Variants in ASZ1 observed in about 807,000 individuals in gnomAD.
ASZ1 encodes ankyrin repeat, SAM and basic leucine zipper domain containing 1.
Under a neutral mutation model 61.8 loss-of-function variants are expected in ASZ1, and 67 were observed. That is an observed-to-expected ratio of 1.08 (90% CI 0.89 to 1.33). The LOEUF is 1.33. Among genes scored for constraint, ASZ1 ranks in the 40% most tolerant of loss-of-function variants. The pLI, the probability that ASZ1 is intolerant of heterozygous loss-of-function variation, is 0.00. For missense variants in ASZ1, 577 were observed against 554.5 expected (o/e 1.04, Z -0.41); for synonymous variants, 193 against 192.7 (o/e 1.00, Z -0.01).
At chr7:117,424,348 A>G (rs540257329) in intron 2 of ASZ1, among the ~76,000 whole-genome samples, 34 of 152,298 alleles carry the variant, frequency 2.2e-4, no homozygotes, top group African/African-American at 6.7e-4. Flanking sequence ...AATTAACAAT[A>G]TTTTTAAAAA....
chr7:117,412,790 A>T (rs1796920884), intron 4 of ASZ1, among the ~76,000 whole-genome samples: 1 of 151,256 alleles, frequency 6.6e-6, no homozygotes, highest in African/African-American at 2.4e-5. Flanking sequence ...CTTTTTTTTT[A>T]AATATAAGAA....
rs767070581 is a variant in ASZ1 at position 117,427,420 on chromosome 7, C to G, written c.41G>C (p.Gly14Ala). 33 of 1,613,994 alleles carry G rather than the reference C, an allele frequency of 2.0e-5. No individual in the cohort carries two copies. The highest frequency in any genetic ancestry group is 2.5e-5 in the Non-Finnish European group (29 of 1,180,028). Residue 14 changes from glycine (G) to alanine (A), a missense_variant, in exon 1 of 13, where the codon GGA becomes GCA. Coordinates refer to ENST00000284629, the MANE Select transcript of ASZ1 (RefSeq NM_130768.3). ...SALRGLPVAG[G>A]GESSESEDDG... is the part of the protein sequence containing the mutation. Reference sequence around the variant, plus strand: ...ATCCTCGCTCTCGCTACTCTCGCCTCCGCCAGCCACTGGCAGGCCTCGCAG... The same window carrying G: ...ATCCTCGCTCTCGCTACTCTCGCCTGCGCCAGCCACTGGCAGGCCTCGCAG...
At position 117,401,980 on chromosome 7, in the gene ASZ1, G is replaced by GC. The variant is rs1796690309; in HGVS notation, c.441-16172_441-16171insG. Among the ~76,000 whole-genome samples the GC allele has an allele frequency of 2.0e-5, 3 of 151,910 alleles. No homozygotes were observed. In the South Asian group the frequency reaches 6.2e-4, roughly 32 times the overall value. On this transcript the variant is annotated intron_variant, in intron 4 of 12. Transcript: ENST00000284629. ...TGAATGGCCCTCATATTTTTATCAT[G>GC]TTTTTTTTGAGTGATTTTTGGGGGC...
intron 4 of ASZ1, among the ~76,000 whole-genome samples, chr7:117,399,637 T>C (rs2116498679): frequency 6.6e-6 from 1 of 151,574 alleles, no homozygotes; most frequent in East Asian, 2.0e-4. Flanking sequence ...ATGTAAAGTG[T>C]CCAGAACAGG....
At chr7:117,409,309 T>C (rs915232357) in intron 4 of ASZ1, among the ~76,000 whole-genome samples, 5 of 151,856 alleles carry the variant, frequency 3.3e-5, no homozygotes, top group Non-Finnish European at 7.4e-5. Context: ...TAAGAACAGG[T>C]AAAACAAGGA....
Position 117,385,602 on chromosome 7 carries a change from C to T in ASZ1, c.552+96G>A, listed in dbSNP as rs1796338380. On this transcript the variant is annotated intron_variant, in intron 5 of 12. Transcript: ENST00000284629. ...TTTTTCACCAGATAGCAATTATATT[C>T]CAGCCCTTTTGTAATTATTACTTCT... 71 of 1,003,480 alleles carry T rather than the reference C, an allele frequency of 7.1e-5. 1 individual carries two copies. The South Asian group carries it at 1.1e-3, about 15-fold the overall frequency. The allele number at this position is 1,003,480 out of a possible 1,614,324, so 62.2% of individuals were successfully genotyped here.
In ASZ1 at chr7:117,422,572, C is replaced by T. The variant is rs559392353; in HGVS notation, c.206-213G>A. Among the ~76,000 whole-genome samples the T allele has an allele frequency of 5.9e-5, 9 of 152,166 alleles. No homozygotes were observed. The South Asian group carries it at 1.2e-3, about 21-fold the overall frequency. On this transcript the variant is annotated intron_variant, in intron 2 of 12. Coordinates refer to ENST00000284629, the MANE Select transcript of ASZ1 (RefSeq NM_130768.3). ...CAGTTTCACTACAGGCACTATGTTC[C>T]GAGACTGATATGACTGATGTTTTAT...
At chr7:117,367,964 C>T (rs1795975647) in intron 11 of ASZ1, 6 of 767,330 alleles carry the variant, frequency 7.8e-6, no homozygotes, top group Non-Finnish European at 9.5e-6. Flanking sequence ...TCACTGCTGC[C>T]TCAACCTCTT....
At chr7:117,426,504 A>AAG (rs1373131159) in intron 2 of ASZ1, among the ~76,000 whole-genome samples, 4 of 150,428 alleles carry the variant, frequency 2.7e-5, no homozygotes, top group Admixed American at 2.0e-4. Flanking sequence ...AAAAAAAAAA[A>AAG]AAAAAAGAAA....
chr7:117,419,629 T>A (rs1255815747), intron 4 of ASZ1, among the ~76,000 whole-genome samples: 1 of 152,236 alleles, frequency 6.6e-6, no homozygotes, highest in Non-Finnish European at 1.5e-5. Flanking sequence ...TTAAGCAATC[T>A]GATTCATTTT....
intron 4 of ASZ1, among the ~76,000 whole-genome samples, chr7:117,391,433 T>C (rs1268164072): frequency 6.6e-6 from 1 of 152,208 alleles, no homozygotes; most frequent in Non-Finnish European, 1.5e-5. Flanking sequence ...TTTTTGTAGT[T>C]TGAAATCTTG....
chr7:117,403,517 T>C (rs1796719198), intron 4 of ASZ1, among the ~76,000 whole-genome samples: 1 of 152,208 alleles, frequency 6.6e-6, no homozygotes, highest in African/African-American at 2.4e-5. Flanking sequence ...GTTGGAATTT[T>C]TTGGCAGTTT....
intron 4 of ASZ1, among the ~76,000 whole-genome samples, chr7:117,409,632 G>A (rs890843642): frequency 2.6e-5 from 4 of 151,890 alleles, no homozygotes; most frequent in African/African-American, 7.2e-5. Flanking sequence ...AATTAAGGGG[G>A]ACCTTGTCAG....
At chr7:117,413,872 T>C (rs1796942183) in intron 4 of ASZ1, among the ~76,000 whole-genome samples, 1 of 152,068 alleles carries the variant, frequency 6.6e-6, no homozygotes. Context: ...TTTCTATTTC[T>C]AGTAATTGCA....
intron 10 of ASZ1, among the ~76,000 whole-genome samples, chr7:117,378,204 CA>C (rs1288380021): frequency 6.6e-6 from 1 of 151,896 alleles, no homozygotes; most frequent in Non-Finnish European, 1.5e-5. Flanking sequence ...TAGACCTCAT[CA>C]AAATAAAAGT....
chr7:117,370,998 T>G (rs986667374), intron 10 of ASZ1, among the ~76,000 whole-genome samples: 1 of 152,080 alleles, frequency 6.6e-6, no homozygotes, highest in Non-Finnish European at 1.5e-5. Context: ...CTAATTTTTG[T>G]ATTTTTAGTA....
intron 4 of ASZ1, among the ~76,000 whole-genome samples, chr7:117,417,051 T>C (rs1021597010): frequency 6.6e-6 from 1 of 152,208 alleles, no homozygotes; most frequent in African/African-American, 2.4e-5. Context: ...TTATGAGGTA[T>C]TTCCACAGAA....
intron 10 of ASZ1, among the ~76,000 whole-genome samples, chr7:117,378,153 ATGCCAAAAGTACTGT>A (rs1796172512): frequency 6.6e-6 from 1 of 152,164 alleles, no homozygotes; most frequent in Non-Finnish European, 1.5e-5. Flanking sequence ...TACTAAAAAT[ATGCCAAAAGTACTGT>A]TCTGTAAAGG....
In ASZ1 at chr7:117,382,155, T is replaced by A. The variant is rs983169901; in HGVS notation, c.813-11A>T. ...AATGCTGTATATGAACTGTATACAT[T>A]TATAGCAATGTCAATTTCAGAACAG... On this transcript the variant is annotated splice_polypyrimidine_tract_variant and intron_variant, in intron 7 of 12. Transcript: ENST00000284629. The A allele has an allele frequency of 1.3e-6, 2 of 1,502,232 alleles. No homozygotes were observed. Among genetic ancestry groups the A allele is most frequent in the Non-Finnish European group, 1.8e-6 (2 of 1,082,244 alleles). The allele number at this position is 1,502,232 out of a possible 1,614,324, so 93.1% of individuals were successfully genotyped here.
Sources: gnomAD v4.1 joint callset for allele counts (sites outside exome capture counted in the v4.1 genomes callset) on GRCh38, gnomAD v4.1.1 for gene constraint, MANE v1.5 for transcripts, NCBI Gene and HGNC (gene_info 2026-07-23, HGNC 2026-07-21) for gene names.